The following AP1S2 variants were observed in gnomAD, a reference collection of about 807,000 sequenced individuals.
AP1S2 encodes the protein AP-1 complex subunit sigma-2.
In AP1S2, 1 loss-of-function variant was observed where a neutral mutation model predicts 14.3. That is an observed-to-expected ratio of 0.07 (90% CI 0.02 to 0.33). The LOEUF (loss-of-function observed/expected upper bound fraction) is 0.33. Among genes scored for constraint, AP1S2 ranks in the 10% least tolerant of loss-of-function variants. The pLI, the probability that AP1S2 is intolerant of heterozygous loss-of-function variation, is 0.99. For synonymous variants in AP1S2, 30 were observed against 40.5 expected (o/e 0.74, Z 0.99); for missense variants, 30 against 117.7 (o/e 0.25, Z 3.45).
At chrX:15,850,344 C>T (rs1174967162) in intron 2 of AP1S2, among the ~76,000 whole-genome samples, 3 of 110,091 alleles carry the variant, frequency 2.7e-5, no homozygotes, top group Non-Finnish European at 5.7e-5. Flanking sequence ...CCCTTTCCTT[C>T]GCTGCTCTCT....
chrX:15,829,661 G>T (rs1167440061), intron 4 of AP1S2, among the ~76,000 whole-genome samples: 1 of 112,068 alleles, frequency 8.9e-6, no homozygotes, highest in Non-Finnish European at 1.9e-5. Context: ...ATAAATTGTG[G>T]TGATAATATA....
At chrX:15,836,080 G>A (rs926578359) in intron 4 of AP1S2, among the ~76,000 whole-genome samples, 11 of 111,657 alleles carry the variant, frequency 9.9e-5, no homozygotes, top group African/African-American at 3.6e-4. Context: ...ATGTATGGTT[G>A]TACTATAATT....
At chrX:15,837,166 A>G (rs1001919037) in intron 4 of AP1S2, among the ~76,000 whole-genome samples, 4 of 112,054 alleles carry the variant, frequency 3.6e-5, no homozygotes, top group Admixed American at 1.9e-4. Context: ...TTTCAAAGGT[A>G]AAAGATTTCT....
intron 4 of AP1S2, among the ~76,000 whole-genome samples, chrX:15,843,606 T>C (rs2147315785): frequency 8.9e-6 from 1 of 111,829 alleles, no homozygotes; most frequent in African/African-American, 3.2e-5. Flanking sequence ...AAATTAAAAG[T>C]TGAACTTCAA....
At chrX:15,838,439 T>A (rs1457663173) in intron 4 of AP1S2, among the ~76,000 whole-genome samples, 1 of 110,007 alleles carries the variant, frequency 9.1e-6, no homozygotes, top group Non-Finnish European at 1.9e-5. Flanking sequence ...AAAGAAAATG[T>A]CAGTAGGTGA....
At position 15,841,728 on chromosome X, in the gene AP1S2, G is replaced by A. The variant is rs183658313; in HGVS notation, c.426+3651C>T. On this transcript the variant is annotated intron_variant, in intron 4 of 5. Transcript: ENST00000672987. The stretch of plus-strand genomic sequence containing the variant: ...AGTCTAAGAAGTCAAAGATGGCACT[G>A]TCTTAGGAAATCTACTCTTTTCCAC... Among the ~76,000 whole-genome samples, 3 of 112,209 alleles carry A rather than the reference G, an allele frequency of 2.7e-5. No individual in the cohort carries two copies. The East Asian group carries it at 8.3e-4, about 31-fold the overall frequency.
intron 4 of AP1S2, chrX:15,830,554 A>G (rs1431916058): frequency 2.2e-5 from 15 of 671,376 alleles, no homozygotes; most frequent in Non-Finnish European, 2.7e-5. Context: ...AGATATAAAC[A>G]ATGAATTCTT....
chrX:15,832,925 T>G, intron 4 of AP1S2: 1 of 1,072,192 alleles, frequency 9.3e-7, no homozygotes, highest in Non-Finnish European at 1.2e-6. Context: ...TACATTTTGA[T>G]GCATGTCAGT....
In AP1S2 at chrX:15,852,379, A is replaced by G; in HGVS notation, c.146T>C (p.Leu49Pro). Reference protein sequence around the residue: ...LARKPKMCSFLEWRDLKIVYK... With the variant: ...LARKPKMCSFPEWRDLKIVYK... ...AACAATCTTCAGATCTCGCCACTCA[A>G]GGAAGCTGCACATTTTAGGTTTCCG... The change falls in exon 2 of 6, where the codon CTT becomes CCT. Residue 49 changes from leucine (L) to proline (P), a missense_variant. Leu to Pro is a moderately conservative substitution (Grantham distance 98, BLOSUM62 -3). Transcript: ENST00000672987. 2.5e-6 allele frequency: 3 copies of G among 1,211,031 alleles called. No homozygotes were observed. The highest frequency in any genetic ancestry group is 3.4e-6 in the Non-Finnish European group (3 of 895,084).
rs144203327 is a variant in AP1S2 at position 15,839,739 on chromosome X, C to T, written c.426+5640G>A. On this transcript the variant is annotated intron_variant, in intron 4 of 5. Transcript: ENST00000672987. ...CTGGGCTCAAGCAATCCAACTGCCC[C>T]GGCCTCCCAAAGTGCTGGGATTACA... Among the ~76,000 whole-genome samples the T allele has an allele frequency of 5.8e-3, 636 of 109,937 alleles. 9 individuals are homozygous for T. Among genetic ancestry groups the T allele is most frequent in the African/African-American group, 0.02 (607 of 30,178 alleles).
chrX:15,830,527 T>A, intron 4 of AP1S2: 1 of 701,602 alleles, frequency 1.4e-6, no homozygotes, highest in African/African-American at 2.3e-5. Flanking sequence ...TTACTTAACT[T>A]AGGCTTTATG....
intron 4 of AP1S2, chrX:15,833,001 CTG>C: frequency 8.9e-7 from 1 of 1,121,700 alleles, no homozygotes; most frequent in Non-Finnish European, 1.2e-6. Flanking sequence ...TACATAGTCT[CTG>C]TTTTCTGGAG....
chrX:15,847,176 T>A (rs749930706), intron 2 of AP1S2, among the ~76,000 whole-genome samples: 52 of 111,864 alleles, frequency 4.6e-4, no homozygotes, highest in South Asian at 4.5e-3. Context: ...CAACCTGTTT[T>A]GAGACTCAAT....
At chrX:15,849,388 AG>A (rs1934098601) in intron 2 of AP1S2, among the ~76,000 whole-genome samples, 1 of 112,844 alleles carries the variant, frequency 8.9e-6, no homozygotes, top group African/African-American at 3.2e-5. Flanking sequence ...CTTCGCTTCC[AG>A]CAGTAGGGAA....
At chrX:15,854,165 C>T (rs1246321219) in intron 1 of AP1S2, among the ~76,000 whole-genome samples, 1 of 112,784 alleles carries the variant, frequency 8.9e-6, no homozygotes, top group African/African-American at 3.2e-5. Context: ...TGCCGCAAAT[C>T]ACAGGGCACC....
intron 1 of AP1S2, chrX:15,852,931 CAG>C: frequency 1.5e-6 from 1 of 656,213 alleles, no homozygotes; most frequent in South Asian, 7.9e-5. Flanking sequence ...TTGAAAGAAA[CAG>C]AAGACCTGCT....
chrX:15,853,165 G>C (rs1934228652), intron 1 of AP1S2, among the ~76,000 whole-genome samples: 1 of 112,182 alleles, frequency 8.9e-6, no homozygotes, highest in Admixed American at 9.4e-5. Flanking sequence ...ACAAAATCTA[G>C]AACTGAGTTA....
rs995378808 is a variant in AP1S2, at chrX:15,852,276, G to A, written c.179+70C>T. The stretch of plus-strand genomic sequence containing the variant: ...ATCGTTATTTATAAATGTCATCACT[G>A]AAGTCTGCAATTTCCTAAATGACCT... On this transcript the variant is annotated intron_variant, in intron 2 of 5. Transcript: ENST00000672987. 3.0e-5 allele frequency: 29 copies of A among 960,944 alleles called. No individual in the cohort carries two copies. The Admixed American group carries it at 6.7e-4, about 22-fold the overall frequency. The allele number at this position is 960,944 out of a possible 1,213,427, so 79.2% of individuals were successfully genotyped here.
At chrX:15,851,990 C>G (rs913474359) in intron 2 of AP1S2, among the ~76,000 whole-genome samples, 1 of 112,085 alleles carries the variant, frequency 8.9e-6, no homozygotes, top group Non-Finnish European at 1.9e-5. Flanking sequence ...TAGACTCTAT[C>G]TGTACTTGTC....
Sources: allele counts gnomAD v4.1 joint callset (sites outside exome capture counted in the v4.1 genomes callset), GRCh38; gene constraint gnomAD v4.1.1; transcripts MANE v1.5; gene names NCBI Gene and HGNC (gene_info 2026-07-23, HGNC 2026-07-21).